HUNK: variants seen among roughly 807,000 people sequenced by gnomAD.
HUNK encodes hormonally up-regulated neu tumor-associated kinase.
A neutral mutation model predicts 61.0 loss-of-function variants in HUNK; 21 were observed. The observed-to-expected ratio is 0.34, with a 90% CI of 0.24 to 0.50. HUNK has a LOEUF of 0.50. HUNK is among the 20% of genes least tolerant of loss of function. The pLI is 0.98. For missense variants in HUNK, 772 were observed against 945.7 expected, an observed-to-expected ratio of 0.82 and a Z score of 2.41; for synonymous variants, 371 against 386.1, an observed-to-expected ratio of 0.96 and a Z score of 0.46.
At chr21:31,920,023 A>G (rs1394441800) in intron 1 of HUNK, among the ~76,000 whole-genome samples, 1 of 152,172 alleles carries the variant, frequency 6.6e-6, no homozygotes, top group Non-Finnish European at 1.5e-5. Context: ...AAGTCTTAAA[A>G]AGTATTGGCA....
At position 31,895,185 on chromosome 21, in the gene HUNK, C is replaced by T. The variant is rs374069188; in HGVS notation, c.261+21250C>T. On this transcript the variant is annotated intron_variant, in intron 1 of 10. Coordinates refer to ENST00000270112, the MANE Select transcript of HUNK (RefSeq NM_014586.2). Reference sequence around the variant, plus strand: ...CAAGGCCCAGGAGACACAAGACATGCTCTGGCATATGTAACAATTAGGGTC... The same window carrying T: ...CAAGGCCCAGGAGACACAAGACATGTTCTGGCATATGTAACAATTAGGGTC... 6.6e-5 allele frequency among the ~76,000 whole-genome samples: 10 copies of T among 152,276 alleles called. 1 individual carries two copies. The highest frequency in any genetic ancestry group is 2.6e-4 in the Admixed American group (4 of 15,300).
intron 1 of HUNK, among the ~76,000 whole-genome samples, chr21:31,893,400 C>T (rs755539708): frequency 3.2e-4 from 49 of 152,144 alleles, no homozygotes; most frequent in Non-Finnish European, 6.2e-4. Flanking sequence ...GACAGCTTTT[C>T]GGAGCTGCTT....
chr21:31,995,794 AAG>A lies in HUNK; in HGVS notation c.1335_1336del (p.Asp447PhefsTer180), dbSNP rs1601415175. 3.1e-6 allele frequency: 5 copies of A among 1,614,132 alleles called. No homozygotes were observed. In the South Asian group the frequency reaches 3.3e-5, roughly 11 times the overall value. On this transcript the variant is annotated frameshift_variant, in exon 10 of 11. Coordinates refer to ENST00000270112, the MANE Select transcript of HUNK (RefSeq NM_014586.2). LOFTEE classifies it high-confidence loss of function. Reference protein sequence around the residue: ...QDKKPKEQEKRGDFLHRPFSK... With the variant: ...QDKKPKEQEKXGDFLHRPFSK... ...ATAAAAAGCCCAAAGAACAAGAAAA[AAG>A]AGGGGATTTTCTTCATCGACCATTC...
At chr21:31,923,486 G>A (rs1161409240) in intron 1 of HUNK, among the ~76,000 whole-genome samples, 3 of 145,926 alleles carry the variant, frequency 2.1e-5, no homozygotes, top group Non-Finnish European at 4.5e-5. Flanking sequence ...AGAAAGGAAG[G>A]AAGGAAAGAG....
At chr21:31,883,849 G>A (rs1280381660) in intron 1 of HUNK, among the ~76,000 whole-genome samples, 1 of 152,194 alleles carries the variant, frequency 6.6e-6, no homozygotes, top group East Asian at 1.9e-4. Context: ...TGGGCTGAGG[G>A]TTTGGGTCAC....
chr21:31,958,252 C>G (rs1004702519), intron 4 of HUNK, among the ~76,000 whole-genome samples: 1 of 151,956 alleles, frequency 6.6e-6, no homozygotes, highest in African/African-American at 2.4e-5. Flanking sequence ...TGGTCCCCTT[C>G]CGGGTCTTCA....
In HUNK at chr21:31,983,623, G is replaced by T; in HGVS notation, c.1257+14G>T. ...GAGTCCTATGAGGTGAGTGACCCCT[G>T]AAGCAAACCTCAGGGTCTCTTAGGA... On this transcript the variant is annotated intron_variant, in intron 8 of 10. Transcript: ENST00000270112. 6.3e-7 allele frequency: 1 copy of T among 1,579,940 alleles called. No homozygotes were observed. The highest frequency in any genetic ancestry group is 8.7e-7 in the Non-Finnish European group (1 of 1,150,492).
chr21:31,934,148 G>C (rs1295652284), intron 2 of HUNK, among the ~76,000 whole-genome samples: 1 of 151,958 alleles, frequency 6.6e-6, no homozygotes, highest in Admixed American at 6.6e-5. Flanking sequence ...TTTTTTTAAA[G>C]GTCCATTATA....
chr21:31,975,934 A>G (rs2053046222), intron 7 of HUNK, among the ~76,000 whole-genome samples: 1 of 152,214 alleles, frequency 6.6e-6, no homozygotes. Flanking sequence ...AGGTTGGTTA[A>G]ACATTTGGAT....
chr21:31,968,741 TGTGTGTGTGTGTGA>T (rs2052986852), intron 6 of HUNK, among the ~76,000 whole-genome samples: 2 of 146,676 alleles, frequency 1.4e-5, no homozygotes, highest in African/African-American at 2.6e-5. Context: ...TGTGTGTGTG[TGTGTGTGTGTGTGA>T]GAGAGAGAGA....
At chr21:31,933,284 T>C (rs911237676) in intron 2 of HUNK, among the ~76,000 whole-genome samples, 1 of 152,130 alleles carries the variant, frequency 6.6e-6, no homozygotes, top group African/African-American at 2.4e-5. Flanking sequence ...TGAAGGCCCA[T>C]TGGCCAAGAA....
At chr21:31,881,823 C>T (rs754407568) in intron 1 of HUNK, among the ~76,000 whole-genome samples, 5 of 152,152 alleles carry the variant, frequency 3.3e-5, no homozygotes, top group Admixed American at 6.5e-5. Flanking sequence ...GAGCAGCCGG[C>T]GTGGCATCTC....
chr21:31,968,056 G>A (rs750245845), intron 5 of HUNK, among the ~76,000 whole-genome samples, 194 bp from the exon 6 acceptor site: 50 of 152,184 alleles, frequency 3.3e-4, no homozygotes, highest in Admixed American at 2.3e-3. Context: ...CCTCCTGTCT[G>A]AAGGGAGGTG....
At position 31,998,720 on chromosome 21, in the gene HUNK, T is replaced by C; in HGVS notation, c.1681T>C (p.Ser561Pro). The change falls in exon 11 of 11, where the codon TCC becomes CCC. Residue 561 changes from serine (S) to proline (P), a missense_variant. Ser to Pro is a moderately conservative substitution (Grantham distance 74). This residue lies in a region of HUNK where 413 missense variants were observed against 444.4 expected (regional missense o/e 0.93). Transcript: ENST00000270112. ...EDPLMLDMVRSFESVDRDDHV... is the reference protein window; with the variant it reads ...EDPLMLDMVRPFESVDRDDHV... ...CCCCCTGATGCTGGACATGGTGCGC[T>C]CCTTCGAGTCTGTGGATCGCGACGA... 3 of 1,614,086 alleles carry C rather than the reference T, an allele frequency of 1.9e-6. No individual in the cohort carries two copies.
At chr21:31,972,380 T>A (rs2053017808) in intron 6 of HUNK, among the ~76,000 whole-genome samples, 1 of 152,196 alleles carries the variant, frequency 6.6e-6, no homozygotes, top group Non-Finnish European at 1.5e-5. Flanking sequence ...AAGTGATACT[T>A]GAAAGCATCA....
chr21:31,950,399 A>C (rs1444299847), intron 4 of HUNK, among the ~76,000 whole-genome samples: 1 of 152,210 alleles, frequency 6.6e-6, no homozygotes, highest in Non-Finnish European at 1.5e-5. Context: ...GGGTTAAGTC[A>C]GGAAGGCATC....
At chr21:31,993,029 G>A (rs2053181527) in intron 9 of HUNK, among the ~76,000 whole-genome samples, 1 of 152,196 alleles carries the variant, frequency 6.6e-6, no homozygotes, top group Non-Finnish European at 1.5e-5. Context: ...GGACATACCA[G>A]GGTGCAGGAT....
intron 2 of HUNK, among the ~76,000 whole-genome samples, chr21:31,927,270 A>G (rs952679879): frequency 2.6e-5 from 4 of 151,846 alleles, no homozygotes; most frequent in Non-Finnish European, 5.9e-5. Context: ...CAAACTCCTG[A>G]CCTCAAATGA....
chr21:31,885,432 T>C (rs77974518), intron 1 of HUNK, among the ~76,000 whole-genome samples: 7,852 of 152,260 alleles, frequency 0.052, 691 homozygotes, highest in African/African-American at 0.18. Context: ...CCCTGTCCCC[T>C]GTCACTCTCT....
Sources: allele counts gnomAD v4.1 joint callset (sites outside exome capture counted in the v4.1 genomes callset), GRCh38; gene constraint gnomAD v4.1.1; regional missense constraint gnomAD v4.1.1; transcripts MANE v1.5; gene names NCBI Gene and HGNC (gene_info 2026-07-23, HGNC 2026-07-21).